SH3GL2: variants seen among roughly 807,000 people sequenced by gnomAD.
SH3GL2 encodes SH3 domain containing GRB2 like 2, endophilin A1, also known as endophilin-A1.
SH3GL2 carries 24 observed loss-of-function variants against 46.0 expected under a neutral mutation model. The observed-to-expected ratio is 0.52, with a 90% CI of 0.38 to 0.73. SH3GL2 has a LOEUF of 0.73. SH3GL2 is among the 30% of genes least tolerant of loss of function. The pLI is 0.00. For missense variants in SH3GL2, 413 were observed against 424.2 expected (o/e 0.97, Z 0.23); for synonymous variants, 196 against 147.1 (o/e 1.33, Z -2.40).
At chr9:17,651,907 G>T (rs1588206783) in intron 1 of SH3GL2, among the ~76,000 whole-genome samples, 1 of 151,776 alleles carries the variant, frequency 6.6e-6, no homozygotes, top group East Asian at 1.9e-4. Flanking sequence ...TTTACTTATG[G>T]TGTGAGTCGG....
At chr9:17,752,151 TG>T (rs1487775862) in intron 2 of SH3GL2, among the ~76,000 whole-genome samples, 8 of 152,172 alleles carry the variant, frequency 5.3e-5, no homozygotes, top group Non-Finnish European at 1.2e-4. Flanking sequence ...CAAAGCAGCT[TG>T]GGGACAGATG....
rs149291224 is a variant in SH3GL2 at position 17,620,935 on chromosome 9, A to C, written c.45+41648A>C. Among the ~76,000 whole-genome samples the C allele has an allele frequency of 5.6e-3, 855 of 152,332 alleles. 10 individuals carry two copies. Among genetic ancestry groups the C allele is most frequent in the African/African-American group, 0.02 (827 of 41,572 alleles). ...GAGTCAGTAGCTTTGAAGCTCACCA[A>C]ATATACCCTGGTAGTTTAGTTATCA... On this transcript the variant is annotated intron_variant, in intron 1 of 8. Transcript: ENST00000380607.
At chr9:17,753,370 G>C (rs1487901378) in intron 2 of SH3GL2, among the ~76,000 whole-genome samples, 1 of 152,044 alleles carries the variant, frequency 6.6e-6, no homozygotes, top group East Asian at 1.9e-4. Context: ...GTCAGCATCT[G>C]TTGTTTTTTG....
At chr9:17,675,344 AAGAC>A (rs1820579166) in intron 1 of SH3GL2, among the ~76,000 whole-genome samples, 3 of 152,196 alleles carry the variant, frequency 2.0e-5, no homozygotes, top group Non-Finnish European at 4.4e-5. Context: ...AGGGAAGTGA[AAGAC>A]AGTCATTTAC....
rs895134552 is a variant in SH3GL2, at chr9:17,796,958, C to G, written c.*1215C>G. On this transcript the variant is annotated 3_prime_UTR_variant, in exon 9 of 9. Coordinates refer to ENST00000380607, the MANE Select transcript of SH3GL2 (RefSeq NM_003026.5). ...AAAGTCCTGTTAGGTATGCAGAGTT[C>G]TATTTATCTAGCTGTACAGACTCTT... The G allele has an allele frequency of 1.3e-5, 2 of 152,630 alleles. No individual in the cohort carries two copies. The highest frequency in any genetic ancestry group is 6.5e-5 in the Admixed American group (1 of 15,278). 9.5% of individuals were successfully genotyped at this position (152,630 alleles called of 1,614,324 possible).
intron 1 of SH3GL2, among the ~76,000 whole-genome samples, chr9:17,704,439 A>T (rs1309107187): frequency 6.6e-6 from 1 of 152,086 alleles, no homozygotes; most frequent in East Asian, 1.9e-4. Flanking sequence ...AGAAAAAAAA[A>T]ATATTAGAAC....
chr9:17,720,436 G>T (rs181131693), intron 1 of SH3GL2, among the ~76,000 whole-genome samples: 1 of 152,222 alleles, frequency 6.6e-6, no homozygotes, highest in East Asian at 1.9e-4. Flanking sequence ...TTTATGAACA[G>T]AAAAGGGAAA....
At chr9:17,612,401 G>A (rs1470057699) in intron 1 of SH3GL2, among the ~76,000 whole-genome samples, 1 of 152,156 alleles carries the variant, frequency 6.6e-6, no homozygotes. Flanking sequence ...AAACTTGCTT[G>A]AACTGCTGAA....
intron 1 of SH3GL2, among the ~76,000 whole-genome samples, chr9:17,588,346 T>C (rs1818418717): frequency 6.6e-6 from 1 of 152,208 alleles, no homozygotes; most frequent in Non-Finnish European, 1.5e-5. Context: ...AATGTTCAAT[T>C]TGAAAAGATG....
chr9:17,720,064 A>C (rs1821856717), intron 1 of SH3GL2, among the ~76,000 whole-genome samples: 1 of 152,122 alleles, frequency 6.6e-6, no homozygotes, highest in Non-Finnish European at 1.5e-5. Flanking sequence ...TCAGTGACAA[A>C]GTAGTATTAA....
intron 1 of SH3GL2, among the ~76,000 whole-genome samples, chr9:17,693,017 A>G (rs959353322): frequency 3.3e-5 from 5 of 152,142 alleles, no homozygotes; most frequent in African/African-American, 9.7e-5. Flanking sequence ...CCCACAACAC[A>G]TGGGAATTCT....
intron 1 of SH3GL2, among the ~76,000 whole-genome samples, chr9:17,639,552 C>T (rs544173234): frequency 1.3e-5 from 2 of 152,170 alleles, no homozygotes; most frequent in Admixed American, 6.5e-5. Flanking sequence ...GTGGAGCAAC[C>T]GGCACCTTTA....
chr9:17,757,297 A>G (rs1041380659), intron 2 of SH3GL2, among the ~76,000 whole-genome samples: 11 of 152,240 alleles, frequency 7.2e-5, no homozygotes, highest in Admixed American at 4.6e-4. Flanking sequence ...ACAAAAGCCA[A>G]AATTGACAAA....
chr9:17,591,592 G>A (rs2134547865), intron 1 of SH3GL2, among the ~76,000 whole-genome samples: 1 of 152,316 alleles, frequency 6.6e-6, no homozygotes, highest in South Asian at 2.1e-4. Context: ...TATATACAGA[G>A]TGTTTGTAAA....
rs1460557255 is a variant in SH3GL2, at chr9:17,795,776, C to G, written c.*33C>G. ...TGCTGGCTGGCTCGCCTCCTCTTGA[C>G]CCAGATAGTTACGGTTAACCACTGC... On this transcript the variant is annotated 3_prime_UTR_variant, in exon 9 of 9. Coordinates refer to ENST00000380607, the MANE Select transcript of SH3GL2 (RefSeq NM_003026.5). The G allele has an allele frequency of 1.9e-6, 3 of 1,553,622 alleles. No individual in the cohort carries two copies. The highest frequency in any genetic ancestry group is 1.8e-6 in the Non-Finnish European group (2 of 1,128,778).
rs58408701 is a variant in SH3GL2, at chr9:17,743,569, AACACACACAC to A, written c.46-3474_46-3465del. On this transcript the variant is annotated intron_variant, in intron 1 of 8. Coordinates refer to ENST00000380607, the MANE Select transcript of SH3GL2 (RefSeq NM_003026.5). ...TCTCTTCTTCCCTCTCTCTTTTGTG[AACACACACAC>A]ACACACACACACACACACACACCCC... Among the ~76,000 whole-genome samples, 6 of 143,686 alleles carry A rather than the reference AACACACACAC, an allele frequency of 4.2e-5. No homozygotes were observed. In the East Asian group the frequency reaches 6.4e-4, roughly 15 times the overall value. The allele number at this position is 143,686 out of a possible 152,430, so 94.3% of individuals were successfully genotyped here.
At chr9:17,664,257 A>G (rs1277075748) in intron 1 of SH3GL2, among the ~76,000 whole-genome samples, 3 of 152,300 alleles carry the variant, frequency 2.0e-5, no homozygotes, top group East Asian at 3.9e-4. Context: ...CCGTGAATAC[A>G]TGTTAGCAAA....
chr9:17,586,071 A>G lies in SH3GL2; in HGVS notation c.45+6784A>G, dbSNP rs145610827. Among the ~76,000 whole-genome samples the G allele has an allele frequency of 1.0e-3, 156 of 152,364 alleles. 1 individual carries two copies. Among genetic ancestry groups the G allele is most frequent in the African/African-American group, 3.6e-3 (149 of 41,592 alleles). On this transcript the variant is annotated intron_variant, in intron 1 of 8. Transcript: ENST00000380607. ...TGTGAGACCCTGCCAAGTCTTTTGC[A>G]TTCTACCAACAAAATATTTTCATGC...
At chr9:17,627,989 T>C (rs887666679) in intron 1 of SH3GL2, among the ~76,000 whole-genome samples, 3 of 152,194 alleles carry the variant, frequency 2.0e-5, no homozygotes, top group African/African-American at 7.2e-5. Context: ...AGAGTGGTTG[T>C]AATGATGAGT....
Sources: allele counts gnomAD v4.1 joint callset (sites outside exome capture counted in the v4.1 genomes callset), GRCh38; gene constraint gnomAD v4.1.1; transcripts MANE v1.5; gene names NCBI Gene and HGNC (gene_info 2026-07-23, HGNC 2026-07-21).